MAPK6: variants seen among roughly 807,000 people sequenced by gnomAD.
The protein encoded by MAPK6 is mitogen-activated protein kinase 6, also known as ERK-3.
Under a neutral mutation model 59.3 loss-of-function variants are expected in MAPK6, and 19 were observed. The ratio of observed to expected loss-of-function variants is 0.32; its 90% CI spans 0.22 to 0.47. The LOEUF is 0.47. Ranked by LOEUF, MAPK6 falls within the 20% of genes least tolerant of loss-of-function variation. The pLI is 1.00. For synonymous variants in MAPK6, 316 were observed against 290.3 expected, an observed-to-expected ratio of 1.09 and a Z score of -0.90; for missense variants, 724 against 847.9, an observed-to-expected ratio of 0.85 and a Z score of 1.81.
intron 2 of MAPK6, among the ~76,000 whole-genome samples, chr15:52,001,172 T>C (rs2057240872): frequency 6.6e-6 from 1 of 152,160 alleles, no homozygotes; most frequent in African/African-American, 2.4e-5. Flanking sequence ...CCTTCCACTT[T>C]CTGTCATGTG....
At chr15:52,025,753 ACTCCAGT>A (rs2030746827) in intron 1 of MAPK6, among the ~76,000 whole-genome samples, 1 of 152,042 alleles carries the variant, frequency 6.6e-6, no homozygotes, top group African/African-American at 2.4e-5. Flanking sequence ...GCGCCACTGC[ACTCCAGT>A]CTGGGTGACA....
In MAPK6 at chr15:52,061,423, T is replaced by C. The variant is rs1333817760; in HGVS notation, c.990T>C (p.His330=). The change falls in exon 5 of 6, where the codon CAT becomes CAC. Residue 330 remains histidine, a synonymous_variant. Coordinates refer to ENST00000261845, the MANE Select transcript of MAPK6 (RefSeq NM_002748.4). ...CAATGGATGAGCCAATTTCAAGCCATCCTTTTCATATTGAAGATGAAGTTG... is the reference window on the plus strand; with the variant it reads ...CAATGGATGAGCCAATTTCAAGCCACCCTTTTCATATTGAAGATGAAGTTG... The part of the protein sequence containing the change: ...SFPMDEPISS[H]PFHIEDEVDD... 6.2e-7 allele frequency: 1 copy of C among 1,613,994 alleles called. No homozygotes were observed. The highest frequency in any genetic ancestry group is 8.5e-7 in the Non-Finnish European group (1 of 1,179,868).
chr15:52,024,135 T>C (rs575963104), intron 1 of MAPK6, among the ~76,000 whole-genome samples: 1 of 152,332 alleles, frequency 6.6e-6, no homozygotes, highest in East Asian at 1.9e-4. Context: ...TGCAAATCTG[T>C]ATGCATTTAA....
intron 4 of MAPK6, among the ~76,000 whole-genome samples, chr15:52,059,720 CTG>C (rs1312350098): frequency 6.6e-6 from 1 of 152,196 alleles, no homozygotes; most frequent in African/African-American, 2.4e-5. Context: ...TGGCCACTGA[CTG>C]GGGTTTATTA....
intron 3 of MAPK6, 92 bp downstream of exon 3, chr15:52,050,229 T>G (rs2031732547): frequency 8.4e-7 from 1 of 1,186,584 alleles, no homozygotes. Context: ...TTAAAATAAT[T>G]TGTTATGATC....
intron 2 of MAPK6, among the ~76,000 whole-genome samples, chr15:51,990,984 C>T (rs751604975): frequency 1.7e-4 from 26 of 151,570 alleles, no homozygotes; most frequent in Non-Finnish European, 2.4e-4. Context: ...CAAAATTAGT[C>T]GGGTGTGAGG....
At chr15:51,998,714 G>A (rs1469529733) in intron 2 of MAPK6, among the ~76,000 whole-genome samples, 2 of 2,036 alleles carry the variant, frequency 9.8e-4, no homozygotes, top group East Asian at 0.1. Flanking sequence ...TTTTTGAGAC[G>A]GAGTCTCGCT....
At position 52,028,757 on chromosome 15, in the gene MAPK6, C is replaced by A. The variant is rs541345690; in HGVS notation, c.-632+9381C>A. ...ATTCCACATTATTCTCTAGCTACAG[C>A]CTCATTTCTCTGATTCTCTTCCAAG... On this transcript the variant is annotated intron_variant, in intron 1 of 5. Coordinates refer to ENST00000261845, the MANE Select transcript of MAPK6 (RefSeq NM_002748.4). Among the ~76,000 whole-genome samples, 3 of 152,306 alleles carry A rather than the reference C, an allele frequency of 2.0e-5. No individual in the cohort carries two copies. The South Asian group carries it at 6.2e-4, about 32-fold the overall frequency.
intron 1 of MAPK6, among the ~76,000 whole-genome samples, chr15:51,980,299 A>G (rs1595956386): frequency 6.6e-6 from 1 of 151,186 alleles, no homozygotes; most frequent in Non-Finnish European, 1.5e-5. Context: ...GTCTTAAAAA[A>G]AAAAAAGAAA....
intron 3 of MAPK6, among the ~76,000 whole-genome samples, chr15:52,056,152 C>G (rs773753414): frequency 1.3e-5 from 2 of 152,206 alleles, no homozygotes; most frequent in Non-Finnish European, 2.9e-5. Context: ...GCCTGTGTGT[C>G]TTATTTTTTG....
chr15:51,981,595 C>A (rs540407926), intron 1 of MAPK6, among the ~76,000 whole-genome samples: 2 of 152,222 alleles, frequency 1.3e-5, no homozygotes, highest in Admixed American at 1.3e-4. Flanking sequence ...CCTTTTGGAA[C>A]CTTTTAAATA....
chr15:52,054,204 C>T (rs866934486), intron 3 of MAPK6, among the ~76,000 whole-genome samples: 2 of 151,648 alleles, frequency 1.3e-5, no homozygotes, highest in Non-Finnish European at 2.9e-5. Flanking sequence ...CCTGTCTCTA[C>T]TAAAAATACA....
rs1251591509 is a variant in MAPK6 at position 52,045,822 on chromosome 15, C to T, written c.-631-8C>T. 2 of 152,534 alleles carry T rather than the reference C, an allele frequency of 1.3e-5. No individual in the cohort carries two copies. The highest frequency in any genetic ancestry group is 3.8e-4 in the East Asian group (2 of 5,204). 9.4% of individuals were successfully genotyped at this position (152,534 alleles called of 1,614,324 possible). On this transcript the variant is annotated splice_polypyrimidine_tract_variant and splice_region_variant and intron_variant, in intron 1 of 5. Coordinates refer to ENST00000261845, the MANE Select transcript of MAPK6 (RefSeq NM_002748.4). ...ATGGTGACTCTCTTCTTTTTCTCAT[C>T]CCCCCAGGTTGTATCAGAGTAAGAT...
At chr15:51,976,527 TA>T (rs201118957) in intron 1 of MAPK6, among the ~76,000 whole-genome samples, 2,038 of 149,734 alleles carry the variant, frequency 0.014, 86 homozygotes, top group Admixed American at 0.071. Flanking sequence ...CACTGGGGAT[TA>T]AAAAAAAAAT....
At chr15:52,051,190 T>C (rs1219194788) in intron 3 of MAPK6, among the ~76,000 whole-genome samples, 1 of 152,156 alleles carries the variant, frequency 6.6e-6, no homozygotes, top group African/African-American at 2.4e-5. Context: ...CCCGAGTAGC[T>C]GGGACTACAG....
intron 5 of MAPK6, among the ~76,000 whole-genome samples, chr15:52,063,437 T>C (rs1238154571): frequency 6.6e-6 from 1 of 152,218 alleles, no homozygotes; most frequent in Non-Finnish European, 1.5e-5. Context: ...ATGTCAGTAA[T>C]AGGATAGCGC....
intron 1 of MAPK6, among the ~76,000 whole-genome samples, chr15:52,030,071 C>T (rs894482761): frequency 1.1e-4 from 16 of 152,272 alleles, no homozygotes; most frequent in Middle Eastern, 3.4e-3. Flanking sequence ...TGTGGCTACA[C>T]TGGCATTTCT....
intron 5 of MAPK6, 49 bp from the exon 6 acceptor site, chr15:52,063,853 A>C (rs891610935): frequency 5.8e-5 from 86 of 1,491,664 alleles, no homozygotes; most frequent in Non-Finnish European, 7.4e-5. Context: ...GTGAATTTGA[A>C]AATGAAATCA....
chr15:51,987,831 T>A (rs561993217), intron 2 of MAPK6, among the ~76,000 whole-genome samples: 1 of 148,552 alleles, frequency 6.7e-6, no homozygotes, highest in African/African-American at 2.5e-5. Context: ...AATGGTGCGA[T>A]CTTGGCTCAC....
Sources: allele counts gnomAD v4.1 joint callset (sites outside exome capture counted in the v4.1 genomes callset), GRCh38; gene constraint gnomAD v4.1.1; transcripts MANE v1.5; gene names NCBI Gene and HGNC (gene_info 2026-07-23, HGNC 2026-07-21).